GRIN2B: variants seen among roughly 807,000 people sequenced by gnomAD.
The protein encoded by GRIN2B is glutamate receptor ionotropic, NMDA 2B.
In GRIN2B, 5 loss-of-function variants were observed where a neutral mutation model predicts 114.5. That is an observed-to-expected ratio of 0.04 (90% CI 0.02 to 0.09). The LOEUF (loss-of-function observed/expected upper bound fraction) is 0.09. Among genes scored for constraint, GRIN2B ranks in the 10% least tolerant of loss-of-function variants. The probability of loss-of-function intolerance (pLI) is 1.00; values close to 1 mark genes in which losing one functional copy is unlikely to be tolerated. For synonymous variants in GRIN2B, 787 were observed against 745.1 expected (o/e 1.06, Z -0.92); for missense variants, 1,108 against 1,943.5 (o/e 0.57, Z 8.08).
At chr12:13,932,619 G>C (rs1850389577) in intron 2 of GRIN2B, among the ~76,000 whole-genome samples, 1 of 152,168 alleles carries the variant, frequency 6.6e-6, no homozygotes, top group African/African-American at 2.4e-5. Context: ...GAGAAGTCCT[G>C]AGAGAGAGAA....
In GRIN2B at chr12:13,823,475, A is replaced by G. The variant is rs1430120019; in HGVS notation, c.411+42323T>C. On this transcript the variant is annotated intron_variant, in intron 3 of 13. Coordinates refer to ENST00000609686, the MANE Select transcript of GRIN2B (RefSeq NM_000834.5). ...TTTAAATTGATAATTCTCCAGTAGT[A>G]TATAAAAATACAATTGATTTTTGTA... Among the ~76,000 whole-genome samples, 3 of 152,228 alleles carry G rather than the reference A, an allele frequency of 2.0e-5. No homozygotes were observed. The East Asian group carries it at 5.8e-4, about 29-fold the overall frequency.
At chr12:13,852,484 A>C (rs1865584827) in intron 3 of GRIN2B, among the ~76,000 whole-genome samples, 2 of 152,174 alleles carry the variant, frequency 1.3e-5, no homozygotes, top group South Asian at 4.1e-4. Flanking sequence ...AAAACAAAAC[A>C]AAACCTGCAT....
intron 3 of GRIN2B, among the ~76,000 whole-genome samples, chr12:13,816,674 T>C (rs1408429771): frequency 6.6e-6 from 1 of 152,220 alleles, no homozygotes; most frequent in East Asian, 1.9e-4. Context: ...CACCTCCGTA[T>C]CACATGCCCC....
intron 2 of GRIN2B, among the ~76,000 whole-genome samples, chr12:13,868,763 A>G (rs1429794648): frequency 2.0e-5 from 3 of 152,198 alleles, no homozygotes; most frequent in Non-Finnish European, 4.4e-5. Context: ...GCTAGTTGTG[A>G]CACCCAAAGA....
chr12:13,669,121 G>A lies in GRIN2B; in HGVS notation c.1125+6624C>T, dbSNP rs1021815019. 1.9e-4 allele frequency among the ~76,000 whole-genome samples: 29 copies of A among 151,934 alleles called. No individual in the cohort carries two copies. In the South Asian group the frequency reaches 3.5e-3, roughly 19 times the overall value. ...GAGACAAGGACATATACAATTTTGA[G>A]GACTTTCAAAGTCATCCCCTGGTGT... On this transcript the variant is annotated intron_variant, in intron 5 of 13. Coordinates refer to ENST00000609686, the MANE Select transcript of GRIN2B (RefSeq NM_000834.5).
intron 3 of GRIN2B, among the ~76,000 whole-genome samples, chr12:13,844,188 A>G (rs1196285145): frequency 1.3e-5 from 2 of 152,216 alleles, no homozygotes; most frequent in Non-Finnish European, 2.9e-5. Context: ...GGATAAGGTG[A>G]GAGGCTGTAG....
chr12:13,809,850 T>C (rs570472773), intron 3 of GRIN2B, among the ~76,000 whole-genome samples: 28 of 152,220 alleles, frequency 1.8e-4, no homozygotes, highest in Non-Finnish European at 2.6e-4. Context: ...TAAACAGAAG[T>C]TCTCCAATTT....
chr12:13,563,383 C>T lies in GRIN2B; in HGVS notation c.3855G>A (p.Pro1285=), dbSNP rs368885091. Residue 1285 remains proline (P), a synonymous_variant, in exon 14 of 14, where the codon CCG becomes CCA. Coordinates refer to ENST00000609686, the MANE Select transcript of GRIN2B (RefSeq NM_000834.5). ...NASTTKYPQS[P]TNSKAQKKNR... Reference sequence around the variant, plus strand: ...TCTTCTTCTGGGCCTTGGAATTAGTCGGGCTCTGAGGGTACTTAGTGGTGG... The same window carrying T: ...TCTTCTTCTGGGCCTTGGAATTAGTTGGGCTCTGAGGGTACTTAGTGGTGG... 6.2e-6 allele frequency: 10 copies of T among 1,614,048 alleles called. No homozygotes were observed. The highest frequency in any genetic ancestry group is 5.3e-5 in the African/African-American group (4 of 74,914).
intron 2 of GRIN2B, among the ~76,000 whole-genome samples, chr12:13,879,734 G>A (rs1866042979): frequency 6.6e-6 from 1 of 152,218 alleles, no homozygotes; most frequent in East Asian, 1.9e-4. Context: ...GGACAGGCCG[G>A]TACAGTCAGT....
intron 5 of GRIN2B, among the ~76,000 whole-genome samples, chr12:13,645,745 G>A (rs541352429): frequency 1.3e-5 from 2 of 152,044 alleles, no homozygotes; most frequent in East Asian, 1.9e-4. Context: ...CCTCTAGGTA[G>A]AGGGAATGAT....
intron 3 of GRIN2B, among the ~76,000 whole-genome samples, chr12:13,759,273 T>C (rs1275971503): frequency 2.0e-5 from 3 of 152,060 alleles, no homozygotes; most frequent in Non-Finnish European, 4.4e-5. Context: ...CCTCCCAAAG[T>C]GCTGCGATTA....
intron 2 of GRIN2B, among the ~76,000 whole-genome samples, chr12:13,973,606 C>G (rs1167131952): frequency 6.6e-6 from 1 of 152,120 alleles, no homozygotes; most frequent in Non-Finnish European, 1.5e-5. Context: ...CATCACTGTG[C>G]CTCCCCTGCT....
chr12:13,928,647 G>T (rs1051649186), intron 2 of GRIN2B, among the ~76,000 whole-genome samples: 2 of 152,220 alleles, frequency 1.3e-5, no homozygotes, highest in Non-Finnish European at 2.9e-5. Context: ...AGTGATCCAG[G>T]AAGTGATAGA....
In GRIN2B at chr12:13,675,147, A is replaced by G. The variant is rs184681588; in HGVS notation, c.1125+598T>C. Among the ~76,000 whole-genome samples, 1,162 of 152,204 alleles carry G rather than the reference A, an allele frequency of 7.6e-3. 9 individuals carry two copies. Among genetic ancestry groups the G allele is most frequent in the South Asian group, 0.042 (200 of 4,808 alleles). On this transcript the variant is annotated intron_variant, in intron 5 of 13. Coordinates refer to ENST00000609686, the MANE Select transcript of GRIN2B (RefSeq NM_000834.5). ...TATACCTGTTGGTACTATTATTATT[A>G]TTTTCCTTCTCTAGATGAGAAAACT...
At chr12:13,672,827 T>C (rs1477334246) in intron 5 of GRIN2B, among the ~76,000 whole-genome samples, 1 of 150,870 alleles carries the variant, frequency 6.6e-6, no homozygotes, top group African/African-American at 2.4e-5. Context: ...CTACAAAAAT[T>C]CAATCTACAC....
At chr12:13,704,338 A>G (rs1010351764) in intron 4 of GRIN2B, among the ~76,000 whole-genome samples, 2 of 152,092 alleles carry the variant, frequency 1.3e-5, no homozygotes, top group African/African-American at 4.8e-5. Context: ...GCATGGGCTG[A>G]TGAAAGGAAG....
intron 2 of GRIN2B, among the ~76,000 whole-genome samples, chr12:13,882,782 C>A (rs1292736093): frequency 2.0e-5 from 3 of 152,156 alleles, no homozygotes; most frequent in African/African-American, 7.2e-5. Flanking sequence ...GTACAATTTG[C>A]ATACATTAAA....
chr12:13,887,426 T>A (rs2136772248), intron 2 of GRIN2B, among the ~76,000 whole-genome samples: 1 of 152,208 alleles, frequency 6.6e-6, no homozygotes, highest in Non-Finnish European at 1.5e-5. Flanking sequence ...AAAAAAAGTT[T>A]TCTCTATCCT....
At position 13,832,915 on chromosome 12, in the gene GRIN2B, C is replaced by T. The variant is rs544268900; in HGVS notation, c.411+32883G>A. ...ATGTTTACCATGAAATTATGAAAGT[C>T]TCTATTTCCCTGCACTCACATCAAC... On this transcript the variant is annotated intron_variant, in intron 3 of 13. Coordinates refer to ENST00000609686, the MANE Select transcript of GRIN2B (RefSeq NM_000834.5). Among the ~76,000 whole-genome samples, 12 of 152,164 alleles carry T rather than the reference C, an allele frequency of 7.9e-5. No individual in the cohort carries two copies. The South Asian group carries it at 2.5e-3, about 32-fold the overall frequency.
Sources: gnomAD v4.1 joint callset for allele counts (sites outside exome capture counted in the v4.1 genomes callset) on GRCh38, gnomAD v4.1.1 for gene constraint, MANE v1.5 for transcripts, NCBI Gene and HGNC (gene_info 2026-07-23, HGNC 2026-07-21) for gene names.